Variants in MARCHF5 observed in about 807,000 individuals in gnomAD.
MARCHF5 encodes E3 ubiquitin-protein ligase MARCHF5.
In MARCHF5, 5 loss-of-function variants were observed where a neutral mutation model predicts 36.5. The ratio of observed to expected loss-of-function variants is 0.14; its 90% CI spans 0.07 to 0.29. The LOEUF (loss-of-function observed/expected upper bound fraction) is 0.29. Among genes scored for constraint, MARCHF5 ranks in the 10% least tolerant of loss-of-function variants. MARCHF5 has a pLI of 1.00. For synonymous variants in MARCHF5, 103 were observed against 109.9 expected (o/e 0.94, Z 0.39); for missense variants, 179 against 336.3 (o/e 0.53, Z 3.66).
At chr10:92,312,278 T>C (rs1044771796) in intron 2 of MARCHF5, among the ~76,000 whole-genome samples, 1 of 152,250 alleles carries the variant, frequency 6.6e-6, no homozygotes, top group Admixed American at 6.5e-5. Context: ...GAAGTGCTTT[T>C]CTAATATGAG....
intron 1 of MARCHF5, among the ~76,000 whole-genome samples, chr10:92,310,613 TTC>T (rs1843133613): frequency 6.6e-6 from 1 of 152,226 alleles, no homozygotes; most frequent in African/African-American, 2.4e-5. Context: ...TAATATTGTT[TTC>T]TCTCATGTTT....
rs1346491098 is a variant in MARCHF5, at chr10:92,351,754, T to C, written c.*547T>C. 6.5e-6 allele frequency: 1 copy of C among 152,676 alleles called. No homozygotes were observed. The highest frequency in any genetic ancestry group is 1.5e-5 in the Non-Finnish European group (1 of 68,052). 9.5% of individuals were successfully genotyped at this position (152,676 alleles called of 1,614,324 possible). A position where few individuals can be genotyped will look rare whatever the true frequency, so the allele number is the denominator to read the frequency against. On this transcript the variant is annotated 3_prime_UTR_variant, in exon 6 of 6. Coordinates refer to ENST00000358935, the MANE Select transcript of MARCHF5 (RefSeq NM_017824.5). ...ATGATTATCTGAACAAATGAGATTT[T>C]GTGGTGTTTTCTTTAACCCATGTGA...
intron 2 of MARCHF5, among the ~76,000 whole-genome samples, chr10:92,324,574 G>C (rs1347508760): frequency 6.6e-6 from 1 of 152,130 alleles, no homozygotes; most frequent in Non-Finnish European, 1.5e-5. Context: ...GTGTTAGCTA[G>C]GATGGTCTTG....
intron 2 of MARCHF5, among the ~76,000 whole-genome samples, chr10:92,324,672 A>G (rs962953149): frequency 6.6e-6 from 1 of 152,214 alleles, no homozygotes; most frequent in African/African-American, 2.4e-5. Context: ...CTTTAGCTGT[A>G]TATCATAATT....
At chr10:92,316,575 T>G (rs1212918114) in intron 2 of MARCHF5, among the ~76,000 whole-genome samples, 3 of 152,164 alleles carry the variant, frequency 2.0e-5, no homozygotes, top group Non-Finnish European at 4.4e-5. Flanking sequence ...TAATTTTTAT[T>G]TTTTAAAGAC....
chr10:92,297,557 C>T (rs946455549), intron 1 of MARCHF5, among the ~76,000 whole-genome samples: 2 of 145,568 alleles, frequency 1.4e-5, no homozygotes, highest in Non-Finnish European at 3.0e-5. Context: ...GGCGTGGTCT[C>T]GGCTCACTGT....
At chr10:92,340,319 G>A (rs573895200) in intron 2 of MARCHF5, among the ~76,000 whole-genome samples, 9 of 152,264 alleles carry the variant, frequency 5.9e-5, no homozygotes, top group East Asian at 1.9e-4. Context: ...TTAGCTATTC[G>A]TGCAAATGAC....
At chr10:92,299,582 T>C (rs1217386541) in intron 1 of MARCHF5, among the ~76,000 whole-genome samples, 1 of 152,236 alleles carries the variant, frequency 6.6e-6, no homozygotes, top group East Asian at 1.9e-4. Context: ...TTTCTGTGTT[T>C]CAATAGAACC....
rs1445346247 is a variant in MARCHF5, at chr10:92,349,487, C to T, written c.508C>T (p.Arg170Cys). The T allele has an allele frequency of 1.2e-6, 2 of 1,613,740 alleles. No homozygotes were observed. Among genetic ancestry groups the T allele is most frequent in the Admixed American group, 1.7e-5 (1 of 59,946 alleles). ...RWEDYVLRLW[R>C]KYSNKLQILN... is the part of the protein sequence containing the mutation. ...GGAGGACTATGTGCTTAGACTGTGG[C>T]GCAAATACTCGAATAAACTACAAAT... Residue 170 changes from arginine (R) to cysteine (C), a missense_variant, in exon 4 of 6, where the codon CGC becomes TGC. This residue lies in a region of MARCHF5 where 95 missense variants were observed against 139.5 expected (regional missense o/e 0.68). Coordinates refer to ENST00000358935, the MANE Select transcript of MARCHF5 (RefSeq NM_017824.5).
At chr10:92,340,871 C>A in intron 3 of MARCHF5, 68 bp downstream of exon 3, 1 of 1,258,000 alleles carries the variant, frequency 7.9e-7, no homozygotes. Flanking sequence ...TTTTGTTAGA[C>A]ATTTAAAAGT....
chr10:92,339,809 C>T (rs562534884), intron 2 of MARCHF5, among the ~76,000 whole-genome samples: 1 of 152,182 alleles, frequency 6.6e-6, no homozygotes, highest in Admixed American at 6.5e-5. Context: ...CAGAATACCT[C>T]CAAATGCTGC....
At chr10:92,320,824 T>A (rs1843281370) in intron 2 of MARCHF5, among the ~76,000 whole-genome samples, 1 of 152,050 alleles carries the variant, frequency 6.6e-6, no homozygotes, top group Non-Finnish European at 1.5e-5. Context: ...GTAATAAGTG[T>A]ACAATGTGTA....
rs538065126 is a variant in MARCHF5 at position 92,327,239 on chromosome 10, G to GC, written c.239-13434_239-13433insC. Among the ~76,000 whole-genome samples, 11 of 151,452 alleles carry GC rather than the reference G, an allele frequency of 7.3e-5. No individual in the cohort carries two copies. In the South Asian group the frequency reaches 2.3e-3, roughly 32 times the overall value. On this transcript the variant is annotated intron_variant, in intron 2 of 5. Coordinates refer to ENST00000358935, the MANE Select transcript of MARCHF5 (RefSeq NM_017824.5). ...GAACACATCAGAAACTAGAGGGCAA[G>GC]GTTGCCTAAACTTTTTTTTTTTCTT...
intron 1 of MARCHF5, among the ~76,000 whole-genome samples, chr10:92,305,401 C>T (rs896230463): frequency 4.8e-5 from 7 of 144,560 alleles, no homozygotes; most frequent in African/African-American, 8.0e-5. Context: ...AGCGAGACTC[C>T]GTCTCCAAAA....
rs559357560 is a variant in MARCHF5, at chr10:92,336,193, G to A, written c.239-4480G>A. On this transcript the variant is annotated intron_variant, in intron 2 of 5. Transcript: ENST00000358935. ...TGGGATTACAAGCACACACCACCAC[G>A]CCCGGCTAATTGTTTGTATTTTTAG... is the stretch of plus-strand genomic sequence containing the variant. 2.6e-4 allele frequency among the ~76,000 whole-genome samples: 40 copies of A among 152,150 alleles called. No homozygotes were observed. The South Asian group carries it at 7.9e-3, about 30-fold the overall frequency.
chr10:92,334,888 C>T (rs1357832104), intron 2 of MARCHF5, among the ~76,000 whole-genome samples: 1 of 152,124 alleles, frequency 6.6e-6, no homozygotes, highest in African/African-American at 2.4e-5. Flanking sequence ...TTTACAAAAG[C>T]TTCTTTATTA....
intron 3 of MARCHF5, among the ~76,000 whole-genome samples, chr10:92,344,451 A>C (rs1479518313): frequency 6.6e-6 from 1 of 152,220 alleles, no homozygotes; most frequent in African/African-American, 2.4e-5. Context: ...ATTTAGAAAT[A>C]ACCTTCACAT....
intron 1 of MARCHF5, among the ~76,000 whole-genome samples, chr10:92,303,721 T>G (rs1219780374): frequency 6.6e-6 from 1 of 152,226 alleles, no homozygotes; most frequent in African/African-American, 2.4e-5. Flanking sequence ...ATTTTACTGT[T>G]TACTCTTTAT....
chr10:92,345,900 G>T (rs1451362671), intron 3 of MARCHF5, among the ~76,000 whole-genome samples: 2 of 151,744 alleles, frequency 1.3e-5, no homozygotes, highest in Non-Finnish European at 2.9e-5. Context: ...TCACCATGTT[G>T]CCCAGTCTCA....
Sources: gnomAD v4.1 joint callset for allele counts (sites outside exome capture counted in the v4.1 genomes callset) on GRCh38, gnomAD v4.1.1 for gene constraint, gnomAD v4.1.1 regional missense constraint, MANE v1.5 for transcripts, NCBI Gene and HGNC (gene_info 2026-07-23, HGNC 2026-07-21) for gene names.